Variants in CCDC141 observed in about 807,000 individuals in gnomAD.
The protein encoded by CCDC141 is coiled-coil domain-containing protein 141.
CCDC141 carries 168 observed loss-of-function variants against 181.0 expected under a neutral mutation model. The ratio of observed to expected loss-of-function variants is 0.93; its 90% CI spans 0.82 to 1.05. The LOEUF is 1.05. Ranked by LOEUF, CCDC141 falls within the 50% of genes least tolerant of loss-of-function variation. CCDC141 has a pLI of 0.00. For missense variants in CCDC141, 1,902 were observed against 1,788.5 expected, an observed-to-expected ratio of 1.06 and a Z score of -1.14; for synonymous variants, 666 against 642.3, an observed-to-expected ratio of 1.04 and a Z score of -0.56.
intron 2 of CCDC141, among the ~76,000 whole-genome samples, chr2:178,987,034 A>T (rs1204125777): frequency 4.0e-5 from 6 of 151,786 alleles, no homozygotes; most frequent in African/African-American, 1.2e-4. Context: ...AAAAGAACAA[A>T]GCTGGAGGCA....
intron 6 of CCDC141, among the ~76,000 whole-genome samples, chr2:178,926,167 A>G (rs187738550): frequency 6.6e-6 from 1 of 152,312 alleles, no homozygotes; most frequent in East Asian, 1.9e-4. Flanking sequence ...GATTTAAAAA[A>G]AAATCTGAAG....
chr2:178,959,831 G>A (rs1690318645), intron 5 of CCDC141, among the ~76,000 whole-genome samples: 2 of 152,212 alleles, frequency 1.3e-5, no homozygotes, highest in African/African-American at 4.8e-5. Flanking sequence ...CACTTCCTCG[G>A]AGAGGCTTCT....
chr2:178,837,407 G>C lies in CCDC141; in HGVS notation c.3812C>G (p.Ala1271Gly). 1.2e-6 allele frequency: 2 copies of C among 1,614,078 alleles called. No homozygotes were observed. The highest frequency in any genetic ancestry group is 8.5e-7 in the Non-Finnish European group (1 of 1,179,980). The change falls in exon 23 of 24, where the codon GCC becomes GGC. Residue 1271 changes from alanine (A) to glycine (G), a missense_variant. Transcript: ENST00000443758. Reference protein sequence around the residue: ...AQESVLPPPVAFADACNDKRE... With the variant: ...AQESVLPPPVGFADACNDKRE... ...CTTATCATTGCATGCATCCGCAAAG[G>C]CAACAGGTGGTGGAAGAACAGATTC...
At chr2:178,970,064 G>C (rs916993185) in intron 4 of CCDC141, among the ~76,000 whole-genome samples, 1 of 152,136 alleles carries the variant, frequency 6.6e-6, no homozygotes, top group Admixed American at 6.6e-5. Context: ...CAACTTACAA[G>C]GGATGTGAAG....
chr2:178,987,075 AG>A (rs1368592056), intron 2 of CCDC141, among the ~76,000 whole-genome samples: 1 of 148,686 alleles, frequency 6.7e-6, no homozygotes, highest in Non-Finnish European at 1.5e-5. Flanking sequence ...CTATACTACA[AG>A]GCTACAGTAA....
At chr2:178,896,273 T>C (rs1235888916) in intron 8 of CCDC141, among the ~76,000 whole-genome samples, 3 of 152,184 alleles carry the variant, frequency 2.0e-5, no homozygotes, top group African/African-American at 7.2e-5. Context: ...TGTCTTGATC[T>C]CAGACTTTCG....
intron 6 of CCDC141, among the ~76,000 whole-genome samples, chr2:178,932,386 C>T (rs1186357719): frequency 1.3e-5 from 2 of 152,124 alleles, no homozygotes; most frequent in Non-Finnish European, 2.9e-5. Context: ...TGAGGGCTGC[C>T]ATGCTGTATA....
chr2:178,906,278 A>G (rs977799661), intron 7 of CCDC141, among the ~76,000 whole-genome samples: 3 of 152,238 alleles, frequency 2.0e-5, no homozygotes, highest in African/African-American at 7.2e-5. Context: ...AACATAAAAT[A>G]GAGAGGAGTT....
At chr2:178,925,745 C>T (rs1255576900) in intron 6 of CCDC141, among the ~76,000 whole-genome samples, 1 of 151,876 alleles carries the variant, frequency 6.6e-6, no homozygotes, top group East Asian at 1.9e-4. Flanking sequence ...TCTAGCTGGC[C>T]AAAATACTTG....
At chr2:179,009,194 C>T (rs1209433973) in intron 2 of CCDC141, among the ~76,000 whole-genome samples, 1 of 152,174 alleles carries the variant, frequency 6.6e-6, no homozygotes, top group Non-Finnish European at 1.5e-5. Flanking sequence ...TCCCCCTATA[C>T]CCTCCTTTTC....
intron 3 of CCDC141, among the ~76,000 whole-genome samples, chr2:178,977,852 T>A (rs772410437): frequency 6.6e-6 from 1 of 152,186 alleles, no homozygotes; most frequent in Non-Finnish European, 1.5e-5. Context: ...CTTTGAACTC[T>A]CATATTTTGA....
chr2:178,854,359 C>T (rs1165556250), intron 19 of CCDC141, among the ~76,000 whole-genome samples: 1 of 152,062 alleles, frequency 6.6e-6, no homozygotes, highest in Admixed American at 6.5e-5. Context: ...CCCATCTCTA[C>T]TAAAAGTACA....
intron 2 of CCDC141, among the ~76,000 whole-genome samples, chr2:178,985,941 G>C (rs544974575): frequency 6.6e-6 from 1 of 152,172 alleles, no homozygotes; most frequent in Admixed American, 6.5e-5. Flanking sequence ...AATAGAAAAA[G>C]AGGGAATCCA....
chr2:178,838,862 GAA>G (rs780387996), intron 22 of CCDC141, among the ~76,000 whole-genome samples: 8 of 152,200 alleles, frequency 5.3e-5, no homozygotes, highest in Non-Finnish European at 4.4e-5. Flanking sequence ...TCTGGTTTAA[GAA>G]GAGGCTCAAA....
At chr2:178,981,218 T>C (rs1691374713) in intron 2 of CCDC141, among the ~76,000 whole-genome samples, 1 of 152,148 alleles carries the variant, frequency 6.6e-6, no homozygotes, top group South Asian at 2.1e-4. Flanking sequence ...AGCATATAGA[T>C]GAACTGAACA....
chr2:178,878,159 G>A lies in CCDC141; in HGVS notation c.1720-16C>T. The stretch of plus-strand genomic sequence containing the variant: ...GCATCTCTACCTAAAAAAGAAAAAA[G>A]AGAGTTAAGAACACTTAAACACATT... On this transcript the variant is annotated splice_polypyrimidine_tract_variant and intron_variant, in intron 11 of 23. Coordinates refer to ENST00000443758, the MANE Select transcript of CCDC141 (RefSeq NM_173648.4). 6.4e-7 allele frequency: 1 copy of A among 1,566,554 alleles called. No individual in the cohort carries two copies. Among genetic ancestry groups the A allele is most frequent in the Non-Finnish European group, 8.6e-7 (1 of 1,159,506 alleles).
intron 5 of CCDC141, among the ~76,000 whole-genome samples, chr2:178,946,517 G>A (rs553313596): frequency 1.4e-3 from 209 of 152,226 alleles, no homozygotes; most frequent in African/African-American, 4.5e-3. Flanking sequence ...GCTAAAGTGG[G>A]AGGGACTTGA....
chr2:178,936,457 G>C (rs1045226171), intron 6 of CCDC141, among the ~76,000 whole-genome samples: 1 of 151,906 alleles, frequency 6.6e-6, no homozygotes, highest in African/African-American at 2.4e-5. Flanking sequence ...TGGTCTATGT[G>C]CTTGTTTTTG....
In CCDC141 at chr2:178,962,764, T is replaced by C. The variant is rs80305328; in HGVS notation, c.527-1281A>G. On this transcript the variant is annotated intron_variant, in intron 4 of 23. Coordinates refer to ENST00000443758, the MANE Select transcript of CCDC141 (RefSeq NM_173648.4). ...ACAGACCCCTTAATGTAGATTACTA[T>C]GTCTGACATGGTCTAGTCTCTTCCT... Among the ~76,000 whole-genome samples the C allele has an allele frequency of 2.0e-3, 309 of 152,222 alleles. 1 individual carries two copies. Among genetic ancestry groups the C allele is most frequent in the East Asian group, 0.01 (53 of 5,166 alleles).
Sources: allele counts gnomAD v4.1 joint callset (sites outside exome capture counted in the v4.1 genomes callset), GRCh38; gene constraint gnomAD v4.1.1; transcripts MANE v1.5; gene names NCBI Gene and HGNC (gene_info 2026-07-23, HGNC 2026-07-21).